MELK: variants seen among roughly 807,000 people sequenced by gnomAD.
The protein encoded by MELK is pEg3 kinase.
A neutral mutation model predicts 85.0 loss-of-function variants in MELK; 81 were observed. The ratio of observed to expected loss-of-function variants is 0.95; its 90% confidence interval spans 0.80 to 1.15. The LOEUF (loss-of-function observed/expected upper bound fraction) is 1.15, where lower values mean the gene tolerates loss of function less well. Ranked by LOEUF, MELK falls within the 50% of genes most tolerant of loss-of-function variation. MELK has a pLI of 0.00. For synonymous variants in MELK, 252 were observed against 265.0 expected (o/e 0.95, Z 0.48); for missense variants, 754 against 777.5 (o/e 0.97, Z 0.36).
intron 10 of MELK, among the ~76,000 whole-genome samples, chr9:36,634,098 T>C (rs527853900): frequency 6.6e-6 from 1 of 152,262 alleles, no homozygotes; most frequent in Non-Finnish European, 1.5e-5. Flanking sequence ...ACTGGTTTGC[T>C]GAGTTATGCA....
chr9:36,640,767 A>G (rs563966369), intron 10 of MELK, among the ~76,000 whole-genome samples: 131 of 152,296 alleles, frequency 8.6e-4, no homozygotes, highest in African/African-American at 3.0e-3. Flanking sequence ...CTCTTTTATA[A>G]GTGTAATAAC....
intron 10 of MELK, among the ~76,000 whole-genome samples, chr9:36,633,739 GT>G (rs1054989782): frequency 2.6e-5 from 4 of 152,092 alleles, no homozygotes; most frequent in African/African-American, 9.7e-5. Flanking sequence ...GAATGACATT[GT>G]TTTACAACTT....
intron 3 of MELK, among the ~76,000 whole-genome samples, chr9:36,588,538 C>A (rs974605248): frequency 1.3e-5 from 2 of 151,582 alleles, no homozygotes; most frequent in Admixed American, 1.3e-4. Flanking sequence ...CGGCACCATG[C>A]CTGGCTAATT....
At chr9:36,597,173 G>T in intron 5 of MELK, 49 bp from the exon 6 acceptor site, 1 of 1,492,560 alleles carries the variant, frequency 6.7e-7, no homozygotes, top group South Asian at 1.1e-5. Context: ...GGTGGGATGT[G>T]ATATAAGGAA....
At chr9:36,577,119 G>A (rs1423806232) in intron 1 of MELK, among the ~76,000 whole-genome samples, 1 of 152,180 alleles carries the variant, frequency 6.6e-6, no homozygotes, top group African/African-American at 2.4e-5. Flanking sequence ...TTAAGGCTTA[G>A]TAACATGCTA....
intron 8 of MELK, among the ~76,000 whole-genome samples, chr9:36,608,661 A>G (rs1825798214): frequency 6.6e-6 from 1 of 151,858 alleles, no homozygotes; most frequent in African/African-American, 2.4e-5. Flanking sequence ...GGCTCACCGC[A>G]ACCTCTGCTT....
chr9:36,617,445 G>A (rs185311392), intron 8 of MELK, among the ~76,000 whole-genome samples: 3 of 151,768 alleles, frequency 2.0e-5, no homozygotes, highest in African/African-American at 7.3e-5. Flanking sequence ...TGATCCTCCA[G>A]CCTCAGCCTC....
chr9:36,664,739 C>G (rs1381406724), intron 13 of MELK, among the ~76,000 whole-genome samples: 1 of 152,178 alleles, frequency 6.6e-6, no homozygotes, highest in Non-Finnish European at 1.5e-5. Flanking sequence ...AACTCACCAC[C>G]TTGCAGAGGC....
chr9:36,664,138 T>A (rs997531062), intron 13 of MELK, among the ~76,000 whole-genome samples: 8 of 152,212 alleles, frequency 5.3e-5, no homozygotes, highest in African/African-American at 1.9e-4. Context: ...TTCATTTTTA[T>A]CATGTTTTTA....
chr9:36,650,765 T>C (rs546747230), intron 11 of MELK, among the ~76,000 whole-genome samples: 22 of 152,140 alleles, frequency 1.4e-4, no homozygotes, highest in African/African-American at 5.3e-4. Context: ...AAGATAGAGG[T>C]GAAAGGAATC....
chr9:36,624,604 G>A (rs557682921), intron 8 of MELK, among the ~76,000 whole-genome samples: 3 of 152,142 alleles, frequency 2.0e-5, no homozygotes, highest in Non-Finnish European at 2.9e-5. Context: ...TCTATTAAAA[G>A]ATACTTTAAG....
chr9:36,613,370 A>T (rs1826235063), intron 8 of MELK, among the ~76,000 whole-genome samples: 1 of 152,236 alleles, frequency 6.6e-6, no homozygotes, highest in African/African-American at 2.4e-5. Context: ...CCAAACACCT[A>T]ATATGTGCCA....
intron 12 of MELK, among the ~76,000 whole-genome samples, chr9:36,656,983 T>C (rs1376171902): frequency 6.6e-6 from 1 of 152,216 alleles, no homozygotes; most frequent in African/African-American, 2.4e-5. Context: ...ACCTACTGTA[T>C]TCAGTACAGT....
intron 13 of MELK, 115 bp downstream of exon 13, chr9:36,657,478 A>C: frequency 8.5e-7 from 1 of 1,171,740 alleles, no homozygotes; most frequent in Non-Finnish European, 1.2e-6. Flanking sequence ...TAAGCCACTG[A>C]AAATGTTTAT....
intron 7 of MELK, 64 bp downstream of exon 7, chr9:36,599,550 A>G: frequency 1.6e-6 from 2 of 1,216,016 alleles, no homozygotes; most frequent in Non-Finnish European, 2.4e-6. Context: ...ACCTGTAGTG[A>G]GTCAGGCACT....
chr9:36,632,688 A>T (rs1828756653), intron 9 of MELK, among the ~76,000 whole-genome samples: 1 of 152,172 alleles, frequency 6.6e-6, no homozygotes, highest in South Asian at 2.1e-4. Context: ...GTGCTTTTCA[A>T]CTTGTTCTGT....
At position 36,581,631 on chromosome 9, in the gene MELK, C is replaced by T. The variant is rs772253307; in HGVS notation, c.-38-13C>T. ...TTATTTCCTTTATTGATTATGTACT[C>T]TCTGTCTTCTAGGTTCTTTTTCTAA... On this transcript the variant is annotated splice_polypyrimidine_tract_variant and intron_variant, in intron 1 of 17. Transcript: ENST00000298048. 2 of 1,276,962 alleles carry T rather than the reference C, an allele frequency of 1.6e-6. No homozygotes were observed. Among genetic ancestry groups the T allele is most frequent in the African/African-American group, 3.0e-5 (2 of 67,570 alleles). 79.1% of individuals were successfully genotyped at this position (1,276,962 alleles called of 1,614,324 possible).
At chr9:36,598,214 C>A (rs1383440994) in intron 6 of MELK, among the ~76,000 whole-genome samples, 3 of 130,862 alleles carry the variant, frequency 2.3e-5, no homozygotes, top group East Asian at 2.2e-4. Context: ...GATTGACAAA[C>A]ATATAAAGAA....
At chr9:36,604,258 C>T (rs551177479) in intron 7 of MELK, among the ~76,000 whole-genome samples, 2 of 139,870 alleles carry the variant, frequency 1.4e-5, no homozygotes, top group East Asian at 2.1e-4. Context: ...TGTAAGCCAC[C>T]GCGCCCGGGC....
Sources: allele counts gnomAD v4.1 joint callset (sites outside exome capture counted in the v4.1 genomes callset), GRCh38; gene constraint gnomAD v4.1.1; transcripts MANE v1.5; gene names NCBI Gene and HGNC (gene_info 2026-07-23, HGNC 2026-07-21).